KLHL32: variants seen among roughly 807,000 people sequenced by gnomAD.
The protein encoded by KLHL32 is kelch like family member 32.
A neutral mutation model predicts 64.8 loss-of-function variants in KLHL32; 35 were observed. The ratio of observed to expected loss-of-function variants is 0.54; its 90% confidence interval spans 0.41 to 0.72. The LOEUF is 0.72. Among genes scored for constraint, KLHL32 ranks in the 30% least tolerant of loss-of-function variants. KLHL32 has a pLI of 0.00. For missense variants in KLHL32, 589 were observed against 768.5 expected (o/e 0.77, Z 2.76); for synonymous variants, 259 against 281.0 (o/e 0.92, Z 0.78).
At chr6:97,014,645 C>T (rs1780891341) in intron 3 of KLHL32, among the ~76,000 whole-genome samples, 1 of 152,246 alleles carries the variant, frequency 6.6e-6, no homozygotes, top group Admixed American at 6.5e-5. Context: ...TGTCACTGTC[C>T]ATGCAACAGT....
At chr6:97,067,124 G>T (rs1044350719) in intron 5 of KLHL32, among the ~76,000 whole-genome samples, 2 of 152,156 alleles carry the variant, frequency 1.3e-5, no homozygotes, top group Non-Finnish European at 2.9e-5. Context: ...GCCCTCCAGT[G>T]CTCACTACAA....
chr6:97,108,199 C>G (rs1316965061), intron 6 of KLHL32, among the ~76,000 whole-genome samples: 2 of 152,152 alleles, frequency 1.3e-5, no homozygotes, highest in African/African-American at 4.8e-5. Flanking sequence ...ACCAAAAATG[C>G]TGCATGCTCC....
At chr6:97,006,962 G>A (rs1779741791) in intron 3 of KLHL32, among the ~76,000 whole-genome samples, 2 of 152,112 alleles carry the variant, frequency 1.3e-5, no homozygotes, top group African/African-American at 4.8e-5. Flanking sequence ...TGAGGACTAT[G>A]TGTCTTGGGG....
At chr6:96,932,572 C>A (rs969182646) in intron 1 of KLHL32, among the ~76,000 whole-genome samples, 1 of 136,578 alleles carries the variant, frequency 7.3e-6, no homozygotes, top group Non-Finnish European at 1.6e-5. Flanking sequence ...TTTCCCCCCC[C>A]CCCTTTTTTT....
chr6:97,010,822 C>CT (rs1485200352), intron 3 of KLHL32, among the ~76,000 whole-genome samples: 3 of 152,122 alleles, frequency 2.0e-5, no homozygotes, highest in African/African-American at 2.4e-5. Flanking sequence ...ATTAGGCTTT[C>CT]TTTTTTTCCT....
chr6:96,985,248 G>T (rs1380878605), intron 3 of KLHL32, among the ~76,000 whole-genome samples: 1 of 152,194 alleles, frequency 6.6e-6, no homozygotes, highest in Non-Finnish European at 1.5e-5. Flanking sequence ...TCAGCTGTTA[G>T]TCTGATGGGC....
At chr6:96,914,677 C>CT in the KLHL32 span, 1 of 151,956 alleles carries the variant, frequency 6.6e-6, no homozygotes, top group Non-Finnish European at 1.5e-5. Context: ...TGGACAATTT[C>CT]TTTTTCTTTT....
At chr6:97,083,086 G>C (rs922036435) in intron 5 of KLHL32, among the ~76,000 whole-genome samples, 2 of 152,052 alleles carry the variant, frequency 1.3e-5, no homozygotes, top group African/African-American at 4.8e-5. Context: ...AGCTTGTTGA[G>C]CTCTTAAATT....
chr6:96,945,225 T>G (rs901650968), intron 1 of KLHL32, among the ~76,000 whole-genome samples: 4 of 152,248 alleles, frequency 2.6e-5, no homozygotes, highest in Non-Finnish European at 5.9e-5. Context: ...CAGCCCTTTA[T>G]GCTAATTGTG....
chr6:97,067,572 A>G (rs1789998201), intron 5 of KLHL32, among the ~76,000 whole-genome samples: 1 of 152,100 alleles, frequency 6.6e-6, no homozygotes, highest in South Asian at 2.1e-4. Context: ...ATCTTTCCCA[A>G]GAAAGGGAAC....
At chr6:97,035,682 TA>T (rs1032944463) in intron 3 of KLHL32, among the ~76,000 whole-genome samples, 3 of 151,532 alleles carry the variant, frequency 2.0e-5, no homozygotes, top group African/African-American at 2.4e-5. Context: ...ACATTTCTAC[TA>T]AAAAAAAATC....
intron 3 of KLHL32, among the ~76,000 whole-genome samples, chr6:97,005,709 CT>C (rs1779584796): frequency 6.6e-6 from 1 of 152,084 alleles, no homozygotes; most frequent in Admixed American, 6.6e-5. Flanking sequence ...CAAATAATTT[CT>C]TGATTTATGC....
intron 6 of KLHL32, among the ~76,000 whole-genome samples, chr6:97,100,758 A>C (rs1045411069): frequency 7.0e-6 from 1 of 143,620 alleles, no homozygotes; most frequent in African/African-American, 2.6e-5. Context: ...TGGTGAGCAC[A>C]TTTGCCAGTG....
At chr6:97,042,879 G>A (rs1283301503) in intron 4 of KLHL32, among the ~76,000 whole-genome samples, 1 of 152,172 alleles carries the variant, frequency 6.6e-6, no homozygotes. Flanking sequence ...GTCTGTAGGT[G>A]GATGTTGGGG....
chr6:97,022,108 T>C (rs1782075337), intron 3 of KLHL32, among the ~76,000 whole-genome samples: 1 of 150,900 alleles, frequency 6.6e-6, no homozygotes, highest in Non-Finnish European at 1.5e-5. Context: ...TTGGAGTCTG[T>C]TTCAATACTG....
intron 10 of KLHL32, 86 bp from the exon 11 acceptor site, chr6:97,139,035 A>G: frequency 1.6e-6 from 2 of 1,273,234 alleles, no homozygotes; most frequent in Non-Finnish European, 2.2e-6. Context: ...AACTGAATTT[A>G]AGTTCAGAAT....
intron 3 of KLHL32, among the ~76,000 whole-genome samples, chr6:97,035,563 C>A (rs1407717323): frequency 6.6e-6 from 1 of 151,974 alleles, no homozygotes; most frequent in Non-Finnish European, 1.5e-5. Flanking sequence ...CTGGGAAAGA[C>A]TTTCTCTTTC....
chr6:97,018,730 G>T (rs1346631547), intron 3 of KLHL32, among the ~76,000 whole-genome samples: 1 of 152,074 alleles, frequency 6.6e-6, no homozygotes, highest in African/African-American at 2.4e-5. Flanking sequence ...AATTCAAGAT[G>T]AACAGAATTG....
intron 10 of KLHL32, 29 bp downstream of exon 10, chr6:97,132,776 T>C (rs1403657276): frequency 1.3e-6 from 2 of 1,496,414 alleles, no homozygotes; most frequent in Non-Finnish European, 1.8e-6. Flanking sequence ...TTTTGAAGTT[T>C]GTTCAAGTGG....
Sources: allele counts gnomAD v4.1 joint callset (sites outside exome capture counted in the v4.1 genomes callset), GRCh38; gene constraint gnomAD v4.1.1; transcripts MANE v1.5; gene names NCBI Gene and HGNC (gene_info 2026-07-23, HGNC 2026-07-21).